The following C3orf20 variants were observed in gnomAD, a reference collection of about 807,000 sequenced individuals.
C3orf20 encodes the protein uncharacterized protein C3orf20.
A neutral mutation model predicts 88.3 loss-of-function variants in C3orf20; 76 were observed. That is an observed-to-expected ratio of 0.86 (90% CI 0.72 to 1.04). The LOEUF (loss-of-function observed/expected upper bound fraction) is 1.04, where lower values mean the gene tolerates loss of function less well. C3orf20 is among the 50% of genes least tolerant of loss of function. The probability of loss-of-function intolerance (pLI) is 0.00; values close to 1 mark genes in which losing one functional copy is unlikely to be tolerated. For synonymous variants in C3orf20, 436 were observed against 437.4 expected, an observed-to-expected ratio of 1.00 and a Z score of 0.04; for missense variants, 1,056 against 1,123.3, an observed-to-expected ratio of 0.94 and a Z score of 0.86.
At chr3:14,727,115 T>G (rs1430104795) in intron 11 of C3orf20, 91 bp downstream of exon 11, 1 of 1,391,480 alleles carries the variant, frequency 7.2e-7, no homozygotes, top group South Asian at 1.2e-5. Flanking sequence ...AGACCTTTAC[T>G]TTACCGCCCA....
At chr3:14,704,232 G>A (rs981828340) in intron 6 of C3orf20, 105 bp from the exon 7 acceptor site, 4 of 1,199,780 alleles carry the variant, frequency 3.3e-6, no homozygotes, top group African/African-American at 1.5e-5. Flanking sequence ...TTTGGGGACA[G>A]GGGAATGGGA....
intron 12 of C3orf20, among the ~76,000 whole-genome samples, chr3:14,734,211 T>G (rs940838837): frequency 1.3e-5 from 2 of 152,170 alleles, no homozygotes; most frequent in Non-Finnish European, 1.5e-5. Context: ...ACTTTTACTC[T>G]TATCTTTATT....
At chr3:14,714,191 G>C (rs1174374340) in intron 8 of C3orf20, 32 bp downstream of exon 8, 1 of 1,609,676 alleles carries the variant, frequency 6.2e-7, no homozygotes, top group African/African-American at 1.3e-5. Flanking sequence ...TAGTCACACG[G>C]AAGTACCTCT....
intron 15 of C3orf20, chr3:14,764,831 G>A (rs1333457015): frequency 6.6e-6 from 1 of 152,212 alleles, no homozygotes. Context: ...AGCCTCATAA[G>A]TCATGCAGCA....
At chr3:14,726,176 G>C (rs1575129577) in intron 10 of C3orf20, among the ~76,000 whole-genome samples, 1 of 152,390 alleles carries the variant, frequency 6.6e-6, no homozygotes, top group Non-Finnish European at 1.5e-5. Flanking sequence ...CTGAAGGAAG[G>C]CAGAGGGAGA....
At chr3:14,699,714 G>C (rs1448641021) in intron 5 of C3orf20, among the ~76,000 whole-genome samples, 1 of 152,218 alleles carries the variant, frequency 6.6e-6, no homozygotes, top group Non-Finnish European at 1.5e-5. Flanking sequence ...TGTGCCACTT[G>C]AGATTGGGGT....
intron 15 of C3orf20, among the ~76,000 whole-genome samples, chr3:14,765,984 G>C (rs1460931807): frequency 6.6e-6 from 1 of 152,242 alleles, no homozygotes; most frequent in African/African-American, 2.4e-5. Flanking sequence ...CAGAGCAGAA[G>C]GGTGAGGGCC....
At chr3:14,710,403 CCTT>C (rs1319711684) in intron 7 of C3orf20, among the ~76,000 whole-genome samples, 1 of 151,814 alleles carries the variant, frequency 6.6e-6, no homozygotes, top group Non-Finnish European at 1.5e-5. Context: ...TTTAGTTTGC[CCTT>C]CTTTTTCTAG....
intron 13 of C3orf20, 36 bp from the exon 14 acceptor site, chr3:14,759,855 T>C (rs1353763545): frequency 6.5e-7 from 1 of 1,548,986 alleles, no homozygotes; most frequent in African/African-American, 1.4e-5. Flanking sequence ...CTTATTGGCA[T>C]GGGGGTGACC....
chr3:14,705,852 C>T (rs2033478262), intron 7 of C3orf20, among the ~76,000 whole-genome samples: 1 of 152,212 alleles, frequency 6.6e-6, no homozygotes, highest in African/African-American at 2.4e-5. Flanking sequence ...GTGTGACTGA[C>T]TGTATGCCAC....
chr3:14,716,220 A>G (rs1575120254), intron 9 of C3orf20, among the ~76,000 whole-genome samples: 1 of 152,240 alleles, frequency 6.6e-6, no homozygotes, highest in Non-Finnish European at 1.5e-5. Context: ...AGAATCACCA[A>G]TCAGAGATTG....
At chr3:14,725,615 A>G (rs1489131554) in intron 10 of C3orf20, among the ~76,000 whole-genome samples, 1 of 152,198 alleles carries the variant, frequency 6.6e-6, no homozygotes, top group African/African-American at 2.4e-5. Context: ...GCCAAGAATC[A>G]GAAGGATGGT....
chr3:14,740,887 C>T (rs1001837982), intron 12 of C3orf20, among the ~76,000 whole-genome samples: 7 of 152,126 alleles, frequency 4.6e-5, no homozygotes, highest in African/African-American at 1.7e-4. Context: ...AATTCTCCAT[C>T]TTGTTTCTTA....
chr3:14,770,299 G>A (rs953880488), intron 15 of C3orf20, among the ~76,000 whole-genome samples: 12 of 152,168 alleles, frequency 7.9e-5, no homozygotes, highest in African/African-American at 2.9e-4. Context: ...GCGTTAATTT[G>A]CCACATGTAA....
chr3:14,736,312 A>G (rs938508899), intron 12 of C3orf20, among the ~76,000 whole-genome samples: 1 of 146,014 alleles, frequency 6.8e-6, no homozygotes, highest in Non-Finnish European at 1.5e-5. Context: ...TTTTTTTGAG[A>G]CAGAGTCTTG....
Position 14,760,930 on chromosome 3 carries a change from A to G in C3orf20, c.2353-543A>G, listed in dbSNP as rs188901445. Among the ~76,000 whole-genome samples the G allele has an allele frequency of 4.0e-5, 6 of 151,760 alleles. No individual in the cohort carries two copies. The East Asian group carries it at 1.2e-3, about 30-fold the overall frequency. On this transcript the variant is annotated intron_variant, in intron 14 of 16. Transcript: ENST00000253697. ...TTTTGTTGACATTTAAGTTATTTGT[A>G]TTTTTTTGCCATAACAAATAATGCC...
At chr3:14,696,039 G>A (rs973047477) in intron 5 of C3orf20, among the ~76,000 whole-genome samples, 76 of 150,848 alleles carry the variant, frequency 5.0e-4, no homozygotes, top group Admixed American at 6.6e-4. Context: ...TTGTTTTGTG[G>A]TCTTCTCATT....
intron 15 of C3orf20, among the ~76,000 whole-genome samples, chr3:14,769,350 G>A (rs2035800536): frequency 6.6e-6 from 1 of 151,880 alleles, no homozygotes; most frequent in South Asian, 2.1e-4. Flanking sequence ...GTGCACCGCA[G>A]GAACCTGTGA....
chr3:14,683,095 C>T lies in C3orf20; in HGVS notation c.382C>T (p.Arg128Cys), dbSNP rs370846039. 7.4e-6 allele frequency: 12 copies of T among 1,613,514 alleles called. No individual in the cohort carries two copies. The highest frequency in any genetic ancestry group is 6.7e-5 in the East Asian group (3 of 44,864). ...TLSPTMARQVRTHQETLNRFQ... is the reference protein window; with the variant it reads ...TLSPTMARQVCTHQETLNRFQ... ...CTCTCCCACCATGGCCCGTCAGGTGCGCACCCACCAGGAGACCCTGAACAG... is the reference window on the plus strand; with the variant it reads ...CTCTCCCACCATGGCCCGTCAGGTGTGCACCCACCAGGAGACCCTGAACAG... Residue 128 changes from arginine (R) to cysteine (C), a missense_variant, in exon 3 of 17, where the codon CGC (arginine) becomes TGC (cysteine). By Grantham distance (180) the Arg-to-Cys change is radical (BLOSUM62 -3). Coordinates refer to ENST00000253697, the MANE Select transcript of C3orf20 (RefSeq NM_032137.5).
Sources: allele counts gnomAD v4.1 joint callset (sites outside exome capture counted in the v4.1 genomes callset), GRCh38; gene constraint gnomAD v4.1.1; transcripts MANE v1.5; gene names NCBI Gene and HGNC (gene_info 2026-07-23, HGNC 2026-07-21).